The following THSD7B variants were observed in gnomAD, a reference collection of about 807,000 sequenced individuals.
THSD7B encodes thrombospondin type 1 domain containing 7B, also known as thrombospondin type-1 domain-containing protein 7B.
A neutral mutation model predicts 213.6 loss-of-function variants in THSD7B; 138 were observed. The observed-to-expected ratio is 0.65, with a 90% CI of 0.56 to 0.74. The LOEUF (loss-of-function observed/expected upper bound fraction) is 0.74. THSD7B is among the 30% of genes least tolerant of loss of function. The pLI, the probability that THSD7B is intolerant of heterozygous loss-of-function variation, is 0.00. For missense variants in THSD7B, 1,931 were observed against 1,991.5 expected (o/e 0.97, Z 0.58); for synonymous variants, 742 against 687.0 (o/e 1.08, Z -1.25).
At chr2:136,891,602 T>C (rs1420527011) in intron 2 of THSD7B, among the ~76,000 whole-genome samples, 2 of 152,220 alleles carry the variant, frequency 1.3e-5, no homozygotes, top group East Asian at 3.9e-4. Flanking sequence ...GACTGGAGGC[T>C]CCGCTCCCTG....
chr2:137,636,293 C>A (rs748598663), intron 20 of THSD7B, among the ~76,000 whole-genome samples: 7 of 152,124 alleles, frequency 4.6e-5, no homozygotes, highest in Admixed American at 1.3e-4. Context: ...AAAGGGGATA[C>A]AATATGGAGT....
At chr2:137,025,876 G>C (rs1026931631) in intron 2 of THSD7B, among the ~76,000 whole-genome samples, 3 of 152,020 alleles carry the variant, frequency 2.0e-5, no homozygotes, top group African/African-American at 7.2e-5. Context: ...AATAGATTTA[G>C]TTAGATATCA....
intron 7 of THSD7B, among the ~76,000 whole-genome samples, chr2:137,172,449 G>A (rs1033842747): frequency 6.6e-6 from 1 of 152,160 alleles, no homozygotes; most frequent in Non-Finnish European, 1.5e-5. Flanking sequence ...GAACTATGAG[G>A]TACAGAGAGC....
intron 14 of THSD7B, among the ~76,000 whole-genome samples, chr2:137,444,532 T>C (rs1243215048): frequency 6.6e-6 from 1 of 151,922 alleles, no homozygotes; most frequent in Non-Finnish European, 1.5e-5. Context: ...TATATTCTCA[T>C]AGTACTAAAA....
chr2:137,197,638 G>T (rs1418741412), intron 7 of THSD7B, among the ~76,000 whole-genome samples: 1 of 152,096 alleles, frequency 6.6e-6, no homozygotes, highest in East Asian at 1.9e-4. Context: ...GAATGGGGGA[G>T]GCATGCAGTA....
rs570604600 is a variant in THSD7B, at chr2:137,078,130, A to G, written c.951-16743A>G. ...TTGTCAGGTTTGTCAAAGATCAGATAGTTGTAGATATGCGGCATTATTTCT... is the reference window on the plus strand; with the variant it reads ...TTGTCAGGTTTGTCAAAGATCAGATGGTTGTAGATATGCGGCATTATTTCT... On this transcript the variant is annotated intron_variant, in intron 3 of 27. Transcript: ENST00000409968. 1.8e-4 allele frequency among the ~76,000 whole-genome samples: 27 copies of G among 152,276 alleles called. No homozygotes were observed. The East Asian group carries it at 4.6e-3, about 26-fold the overall frequency.
intron 3 of THSD7B, among the ~76,000 whole-genome samples, chr2:137,087,195 T>C (rs1273139405): frequency 4.6e-5 from 7 of 152,148 alleles, no homozygotes; most frequent in Non-Finnish European, 1.0e-4. Flanking sequence ...AAAAAATATA[T>C]GGCAATAGTA....
chr2:137,281,405 ATTT>A (rs1340900762), intron 12 of THSD7B, among the ~76,000 whole-genome samples: 10 of 151,312 alleles, frequency 6.6e-5, no homozygotes, highest in African/African-American at 2.2e-4. Context: ...TATTTTTCTT[ATTT>A]TTTATTATTA....
chr2:137,496,861 G>A (rs1374139553), intron 15 of THSD7B, among the ~76,000 whole-genome samples: 24 of 151,946 alleles, frequency 1.6e-4, no homozygotes, highest in Admixed American at 1.5e-3. Flanking sequence ...TCATGTGCCC[G>A]GTCTTAGAGA....
chr2:137,010,142 A>G (rs1401553428), intron 2 of THSD7B, among the ~76,000 whole-genome samples: 1 of 152,148 alleles, frequency 6.6e-6, no homozygotes, highest in Admixed American at 6.5e-5. Flanking sequence ...AGACATCTTC[A>G]ATTGATTTTG....
intron 2 of THSD7B, among the ~76,000 whole-genome samples, chr2:136,917,498 T>G (rs1326091725): frequency 1.3e-5 from 2 of 152,190 alleles, no homozygotes; most frequent in Non-Finnish European, 2.9e-5. Context: ...GGTGGAACTT[T>G]TAACCAGAAT....
chr2:137,663,672 A>G, intron 26 of THSD7B, 97 bp downstream of exon 26: 1 of 1,113,524 alleles, frequency 9.0e-7, no homozygotes, highest in African/African-American at 1.6e-5. Flanking sequence ...GAAGGAGGAA[A>G]AGAGGAGAGA....
intron 1 of THSD7B, among the ~76,000 whole-genome samples, chr2:136,879,492 G>T (rs992907159): frequency 6.6e-6 from 1 of 152,126 alleles, no homozygotes; most frequent in African/African-American, 2.4e-5. Context: ...CATTGAATCT[G>T]TAAATTGCCT....
intron 7 of THSD7B, among the ~76,000 whole-genome samples, chr2:137,225,479 C>G (rs1392568667): frequency 6.6e-6 from 1 of 152,080 alleles, no homozygotes; most frequent in Non-Finnish European, 1.5e-5. Context: ...CAACACAACC[C>G]CAATGGATAA....
intron 12 of THSD7B, among the ~76,000 whole-genome samples, chr2:137,405,275 A>C (rs912677716): frequency 1.2e-4 from 18 of 151,094 alleles, no homozygotes; most frequent in African/African-American, 3.9e-4. Flanking sequence ...TTGTGTTATC[A>C]TCTTACTCTT....
At chr2:137,428,425 A>G (rs1055488905) in intron 14 of THSD7B, among the ~76,000 whole-genome samples, 2 of 152,186 alleles carry the variant, frequency 1.3e-5, no homozygotes, top group Admixed American at 1.3e-4. Context: ...TTACCATATG[A>G]CCCAACAGAG....
At chr2:137,108,164 A>G (rs769955423) in intron 4 of THSD7B, among the ~76,000 whole-genome samples, 3 of 152,198 alleles carry the variant, frequency 2.0e-5, no homozygotes, top group Non-Finnish European at 2.9e-5. Context: ...TATTCTTTCA[A>G]TCTGTCATCA....
rs1160804861 is a variant in THSD7B at position 137,454,392 on chromosome 2, A to ATCTATCTATCTGTCTG, written c.3138+3372_3138+3373insATCTATCTGTCTGTCT. The stretch of plus-strand genomic sequence containing the variant: ...AAGAAATTCTCTTCAGAGCCATTCT[A>ATCTATCTATCTGTCTG]TCTGTCTGTCTGTCTGTCTGTCTGT... On this transcript the variant is annotated intron_variant, in intron 15 of 27. Coordinates refer to ENST00000409968, the MANE Select transcript of THSD7B (RefSeq NM_001316349.2). Among the ~76,000 whole-genome samples, 115 of 115,106 alleles carry ATCTATCTATCTGTCTG rather than the reference A, an allele frequency of 1.0e-3. 2 individuals are homozygous for ATCTATCTATCTGTCTG. Among genetic ancestry groups the ATCTATCTATCTGTCTG allele is most frequent in the East Asian group, 3.7e-3 (11 of 2,974 alleles). 75.5% of individuals were successfully genotyped at this position (115,106 alleles called of 152,430 possible). A position where few individuals can be genotyped will look rare whatever the true frequency, so the allele number is the denominator to read the frequency against.
chr2:137,357,960 A>G (rs1431224340), intron 12 of THSD7B, among the ~76,000 whole-genome samples: 1 of 152,068 alleles, frequency 6.6e-6, no homozygotes, highest in Non-Finnish European at 1.5e-5. Flanking sequence ...TAATATTACC[A>G]CTTGTTCACA....
Sources: gnomAD v4.1 joint callset for allele counts (sites outside exome capture counted in the v4.1 genomes callset) on GRCh38, gnomAD v4.1.1 for gene constraint, MANE v1.5 for transcripts, NCBI Gene and HGNC (gene_info 2026-07-23, HGNC 2026-07-21) for gene names.